Variants in LUZP2 observed in about 807,000 individuals in gnomAD.
The protein encoded by LUZP2 is leucine zipper protein 2.
LUZP2 carries 52 observed loss-of-function variants against 51.6 expected under a neutral mutation model. The ratio of observed to expected loss-of-function variants is 1.01; its 90% CI spans 0.81 to 1.27. The LOEUF (loss-of-function observed/expected upper bound fraction) is 1.27. LUZP2 is among the 50% of genes most tolerant of loss of function. The probability of loss-of-function intolerance (pLI) is 0.00; values close to 1 mark genes in which losing one functional copy is unlikely to be tolerated. For missense variants in LUZP2, 436 were observed against 395.4 expected (o/e 1.10, Z -0.87); for synonymous variants, 154 against 137.3 (o/e 1.12, Z -0.85).
At chr11:24,646,080 A>T (rs2133953668) in intron 1 of LUZP2, among the ~76,000 whole-genome samples, 1 of 152,134 alleles carries the variant, frequency 6.6e-6, no homozygotes, top group Non-Finnish European at 1.5e-5. Flanking sequence ...ATTCTTTATA[A>T]AATTTGAATG....
intron 5 of LUZP2, among the ~76,000 whole-genome samples, chr11:24,899,196 C>A (rs1418658173): frequency 6.6e-6 from 1 of 151,880 alleles, no homozygotes; most frequent in African/African-American, 2.4e-5. Flanking sequence ...TCATTTACAC[C>A]AAATTATGTG....
In LUZP2 at chr11:24,688,502, A is replaced by G. The variant is rs564715760; in HGVS notation, c.63-40667A>G. ...AGACATTTGAGATTTTTGTCTTTGC[A>G]TTATAATTGATTTTGACAAGTAGAT... On this transcript the variant is annotated intron_variant, in intron 1 of 11. Coordinates refer to ENST00000336930, the MANE Select transcript of LUZP2 (RefSeq NM_001009909.4). Among the ~76,000 whole-genome samples the G allele has an allele frequency of 2.3e-3, 357 of 152,280 alleles. 1 individual carries two copies. The highest frequency in any genetic ancestry group is 0.01 in the Middle Eastern group (3 of 294).
At chr11:24,526,212 A>G (rs377710494) in intron 1 of LUZP2, among the ~76,000 whole-genome samples, 4 of 151,050 alleles carry the variant, frequency 2.6e-5, no homozygotes, top group African/African-American at 7.3e-5. Flanking sequence ...CTCCAAAGTT[A>G]ATAAATCAAT....
At chr11:24,555,204 T>C (rs181885460) in intron 1 of LUZP2, among the ~76,000 whole-genome samples, 28 of 152,220 alleles carry the variant, frequency 1.8e-4, no homozygotes, top group Admixed American at 1.5e-3. Context: ...AGAAGCGATA[T>C]GGAAGAAAGC....
At chr11:24,592,207 G>T (rs1853283737) in intron 1 of LUZP2, among the ~76,000 whole-genome samples, 1 of 152,154 alleles carries the variant, frequency 6.6e-6, no homozygotes, top group Non-Finnish European at 1.5e-5. Flanking sequence ...AGATTTATCT[G>T]CCTGACAACA....
chr11:24,562,544 T>G (rs1852079533), intron 1 of LUZP2, among the ~76,000 whole-genome samples: 1 of 151,652 alleles, frequency 6.6e-6, no homozygotes, highest in Admixed American at 6.6e-5. Context: ...AAGGACCCAT[T>G]AAATAGGGAC....
At chr11:25,040,158 G>A (rs1361308062) in intron 9 of LUZP2, among the ~76,000 whole-genome samples, 1 of 151,970 alleles carries the variant, frequency 6.6e-6, no homozygotes, top group East Asian at 1.9e-4. Context: ...TTCAATAAAT[G>A]CATATGAGCA....
At chr11:24,840,927 T>G (rs1053574389) in intron 5 of LUZP2, among the ~76,000 whole-genome samples, 6 of 152,044 alleles carry the variant, frequency 3.9e-5, no homozygotes, top group Non-Finnish European at 8.8e-5. Flanking sequence ...TAAGAGGTGT[T>G]ATATAACCTG....
chr11:24,762,404 A>G (rs1473204791), intron 4 of LUZP2, among the ~76,000 whole-genome samples: 1 of 152,220 alleles, frequency 6.6e-6, no homozygotes, highest in African/African-American at 2.4e-5. Flanking sequence ...TATGTCATGA[A>G]TAATCCATGT....
chr11:24,509,232 A>G (rs2078383174), intron 1 of LUZP2, among the ~76,000 whole-genome samples: 1 of 152,092 alleles, frequency 6.6e-6, no homozygotes, highest in South Asian at 2.1e-4. Context: ...GTCTGTCTTG[A>G]GAGCCTTACC....
At chr11:24,981,471 C>T (rs1269371111) in intron 8 of LUZP2, among the ~76,000 whole-genome samples, 1 of 151,702 alleles carries the variant, frequency 6.6e-6, no homozygotes, top group East Asian at 1.9e-4. Flanking sequence ...TGACTGTAAT[C>T]TGTTTTATCA....
At chr11:24,627,530 G>T (rs1248453505) in intron 1 of LUZP2, among the ~76,000 whole-genome samples, 1 of 152,140 alleles carries the variant, frequency 6.6e-6, no homozygotes, top group Non-Finnish European at 1.5e-5. Flanking sequence ...CTTTCTTTCT[G>T]TGATCCCAGG....
chr11:24,901,655 G>A (rs1853286480), intron 5 of LUZP2, among the ~76,000 whole-genome samples: 1 of 152,104 alleles, frequency 6.6e-6, no homozygotes. Context: ...AGCTAAGTCA[G>A]TTTAGGGAGA....
chr11:24,750,736 A>G (rs576274555), intron 4 of LUZP2, among the ~76,000 whole-genome samples: 1 of 152,284 alleles, frequency 6.6e-6, no homozygotes, highest in East Asian at 1.9e-4. Context: ...TTCCATGCCT[A>G]CTAGAACCAT....
intron 10 of LUZP2, among the ~76,000 whole-genome samples, chr11:25,054,805 T>A (rs185088228): frequency 1.2e-4 from 19 of 152,070 alleles, no homozygotes; most frequent in Non-Finnish European, 1.6e-4. Flanking sequence ...GTATCCTTGG[T>A]TACTGTAGCT....
chr11:24,676,559 A>G (rs1175664264), intron 1 of LUZP2, among the ~76,000 whole-genome samples: 2 of 152,212 alleles, frequency 1.3e-5, no homozygotes, highest in Non-Finnish European at 2.9e-5. Flanking sequence ...AGGATCAGAT[A>G]ATTTTTACTT....
intron 1 of LUZP2, among the ~76,000 whole-genome samples, chr11:24,622,546 T>C (rs968295887): frequency 6.6e-6 from 1 of 152,082 alleles, no homozygotes; most frequent in Non-Finnish European, 1.5e-5. Context: ...TTTTTTAGGT[T>C]GGGAAACAAC....
At chr11:24,642,648 C>T (rs1855329667) in intron 1 of LUZP2, among the ~76,000 whole-genome samples, 1 of 151,736 alleles carries the variant, frequency 6.6e-6, no homozygotes, top group African/African-American at 2.4e-5. Context: ...AAAAATTATT[C>T]TGCCATTTCT....
At chr11:24,993,850 C>T (rs1856419602) in intron 9 of LUZP2, among the ~76,000 whole-genome samples, 1 of 151,418 alleles carries the variant, frequency 6.6e-6, no homozygotes, top group African/African-American at 2.4e-5. Context: ...ATATATTTTT[C>T]CATTTCTTTT....
Sources: gnomAD v4.1 joint callset for allele counts (sites outside exome capture counted in the v4.1 genomes callset) on GRCh38, gnomAD v4.1.1 for gene constraint, MANE v1.5 for transcripts, NCBI Gene and HGNC (gene_info 2026-07-23, HGNC 2026-07-21) for gene names.